Variants in TRHDE observed in about 807,000 individuals in gnomAD.
TRHDE encodes thyrotropin releasing hormone degrading enzyme.
In TRHDE, 72 loss-of-function variants were observed where a neutral mutation model predicts 125.7. The ratio of observed to expected loss-of-function variants is 0.57; its 90% CI spans 0.47 to 0.70. TRHDE has a LOEUF of 0.70. Ranked by LOEUF, TRHDE falls within the 30% of genes least tolerant of loss-of-function variation. The pLI is 0.00. For missense variants in TRHDE, 1,110 were observed against 1,327.1 expected, an observed-to-expected ratio of 0.84 and a Z score of 2.54; for synonymous variants, 509 against 509.1, an observed-to-expected ratio of 1.00 and a Z score of 0.00.
At chr12:72,322,591 C>T (rs934316929) in intron 2 of TRHDE, among the ~76,000 whole-genome samples, 13 of 140,550 alleles carry the variant, frequency 9.2e-5, no homozygotes, top group Non-Finnish European at 1.4e-4. Context: ...GTAACTTAAA[C>T]TTGTATTTTC....
At chr12:72,639,095 A>G (rs1391289096) in intron 15 of TRHDE, among the ~76,000 whole-genome samples, 1 of 150,602 alleles carries the variant, frequency 6.6e-6, no homozygotes, top group Non-Finnish European at 1.5e-5. Context: ...TATCCTGCAG[A>G]GTGTTTTCCA....
intron 12 of TRHDE, among the ~76,000 whole-genome samples, chr12:72,592,068 AT>A (rs961232513): frequency 1.3e-5 from 2 of 151,580 alleles, no homozygotes; most frequent in Non-Finnish European, 2.9e-5. Context: ...TTGGTCAAAT[AT>A]TTTTTTCTTT....
chr12:72,473,991 C>T lies in TRHDE; in HGVS notation c.1584+811C>T, dbSNP rs567247070. 7.9e-5 allele frequency among the ~76,000 whole-genome samples: 12 copies of T among 151,968 alleles called. No individual in the cohort carries two copies. In the East Asian group the frequency reaches 2.1e-3, roughly 27 times the overall value. ...AGCTCAACTTTTATTTGTGACATAG[C>T]GTAGGCGATTATGTATATATATACA... On this transcript the variant is annotated intron_variant, in intron 5 of 18. Transcript: ENST00000261180.
In TRHDE at chr12:72,510,281, A is replaced by G. The variant is rs140371802; in HGVS notation, c.1722+10646A>G. 9.1e-4 allele frequency among the ~76,000 whole-genome samples: 138 copies of G among 152,310 alleles called. 1 individual carries two copies. The highest frequency in any genetic ancestry group is 3.4e-3 in the Middle Eastern group (1 of 292). ...ATCACTATTTTGTGATACTCTTTAG[A>G]TATTCTACAGTATCTGGTATATTAC... On this transcript the variant is annotated intron_variant, in intron 6 of 18. Coordinates refer to ENST00000261180, the MANE Select transcript of TRHDE (RefSeq NM_013381.3).
intron 1 of TRHDE, among the ~76,000 whole-genome samples, chr12:72,284,714 T>G (rs1416261354): frequency 2.6e-5 from 4 of 152,240 alleles, no homozygotes; most frequent in Non-Finnish European, 4.4e-5. Context: ...GCAAGTTGTC[T>G]GTGTAACTTC....
intron 2 of TRHDE, among the ~76,000 whole-genome samples, chr12:72,302,538 A>G (rs1868277825): frequency 6.6e-6 from 1 of 152,162 alleles, no homozygotes; most frequent in Non-Finnish European, 1.5e-5. Flanking sequence ...CAATATTTTT[A>G]TAATCTATAG....
intron 2 of TRHDE, among the ~76,000 whole-genome samples, chr12:72,159,031 T>C (rs895787387): frequency 6.6e-6 from 1 of 152,234 alleles, no homozygotes; most frequent in African/African-American, 2.4e-5. Context: ...GATTCTAGAT[T>C]CTTTAGTTAA....
At chr12:72,486,772 T>C (rs1379134655) in intron 5 of TRHDE, among the ~76,000 whole-genome samples, 2 of 152,134 alleles carry the variant, frequency 1.3e-5, no homozygotes, top group Non-Finnish European at 2.9e-5. Context: ...AACCTGACTC[T>C]ATCAAAGGAC....
At chr12:72,496,726 C>T (rs1385848826) in intron 5 of TRHDE, among the ~76,000 whole-genome samples, 1 of 152,150 alleles carries the variant, frequency 6.6e-6, no homozygotes, top group Non-Finnish European at 1.5e-5. Flanking sequence ...TCTCTTATCT[C>T]ACATTAAAGC....
At chr12:72,557,144 A>G (rs1038967889) in intron 7 of TRHDE, among the ~76,000 whole-genome samples, 2 of 152,178 alleles carry the variant, frequency 1.3e-5, no homozygotes, top group African/African-American at 4.8e-5. Flanking sequence ...CACATGGTGC[A>G]ATGTTGACAG....
chr12:72,120,763 C>T (rs1293998617), intron 2 of TRHDE, among the ~76,000 whole-genome samples: 1 of 150,504 alleles, frequency 6.6e-6, no homozygotes, highest in Non-Finnish European at 1.5e-5. Context: ...ACTGCAACCT[C>T]CGCCTCCTGG....
chr12:72,418,711 C>T (rs772666747), intron 3 of TRHDE, among the ~76,000 whole-genome samples: 57 of 152,048 alleles, frequency 3.7e-4, no homozygotes, highest in South Asian at 4.1e-4. Flanking sequence ...TTCATTAATC[C>T]TCACACCAAT....
intron 10 of TRHDE, 142 bp from the exon 11 acceptor site, chr12:72,575,109 GATTA>G (rs1318472534): frequency 1.1e-5 from 8 of 728,468 alleles, no homozygotes; most frequent in East Asian, 8.2e-5. Flanking sequence ...AGATGCAAGT[GATTA>G]ATTAAAGAGT....
chr12:72,513,921 AC>A (rs1878714530), intron 6 of TRHDE, among the ~76,000 whole-genome samples: 1 of 152,166 alleles, frequency 6.6e-6, no homozygotes, highest in Non-Finnish European at 1.5e-5. Context: ...TCAGGGGACT[AC>A]AAAGAAATTA....
At chr12:72,548,338 C>T (rs1044992340) in intron 7 of TRHDE, among the ~76,000 whole-genome samples, 3 of 151,724 alleles carry the variant, frequency 2.0e-5, no homozygotes, top group Non-Finnish European at 2.9e-5. Context: ...ATAAAAATTT[C>T]TCACCTTACA....
intron 5 of TRHDE, among the ~76,000 whole-genome samples, chr12:72,495,732 T>C (rs1044257127): frequency 6.6e-6 from 1 of 152,146 alleles, no homozygotes; most frequent in African/African-American, 2.4e-5. Context: ...ACATATGTGT[T>C]AAATGAATGA....
chr12:72,554,719 C>G (rs562744592), intron 7 of TRHDE, among the ~76,000 whole-genome samples: 1 of 152,224 alleles, frequency 6.6e-6, no homozygotes, highest in South Asian at 2.1e-4. Context: ...TTCATTTTTA[C>G]CAATAGATTC....
chr12:72,111,898 C>A (rs1317048225), intron 2 of TRHDE, among the ~76,000 whole-genome samples: 1 of 151,976 alleles, frequency 6.6e-6, no homozygotes, highest in East Asian at 1.9e-4. Context: ...TTAGCAATTG[C>A]CAAAATTTTC....
At chr12:72,495,836 T>C (rs1200550664) in intron 5 of TRHDE, among the ~76,000 whole-genome samples, 3 of 152,154 alleles carry the variant, frequency 2.0e-5, no homozygotes, top group Non-Finnish European at 2.9e-5. Flanking sequence ...TTTCTTTACT[T>C]TTCTGAAATG....
Sources: gnomAD v4.1 joint callset for allele counts (sites outside exome capture counted in the v4.1 genomes callset) on GRCh38, gnomAD v4.1.1 for gene constraint, MANE v1.5 for transcripts, NCBI Gene and HGNC (gene_info 2026-07-23, HGNC 2026-07-21) for gene names.